The following ANO5 variants were observed in gnomAD, a reference collection of about 807,000 sequenced individuals.
The protein encoded by ANO5 is anoctamin-5.
Under a neutral mutation model 121.0 loss-of-function variants are expected in ANO5, and 109 were observed. The ratio of observed to expected loss-of-function variants is 0.90; its 90% CI spans 0.77 to 1.06. The LOEUF (loss-of-function observed/expected upper bound fraction) is 1.06. Ranked by LOEUF, ANO5 falls within the 50% of genes least tolerant of loss-of-function variation. ANO5 has a pLI of 0.00. For missense variants in ANO5, 1,064 were observed against 1,078.5 expected, an observed-to-expected ratio of 0.99 and a Z score of 0.19; for synonymous variants, 406 against 359.9, an observed-to-expected ratio of 1.13 and a Z score of -1.45.
chr11:22,255,355 A>T lies in ANO5; in HGVS notation c.1181-16A>T. 1 of 1,557,216 alleles carries T rather than the reference A, an allele frequency of 6.4e-7. No homozygotes were observed. The highest frequency in any genetic ancestry group is 1.4e-5 in the African/African-American group (1 of 72,838). On this transcript the variant is annotated splice_polypyrimidine_tract_variant and intron_variant, in intron 12 of 21. Coordinates refer to ENST00000324559, the MANE Select transcript of ANO5 (RefSeq NM_213599.3). ...CTTTTTTAATATCTTTTTTTTATAT[A>T]TTTATTTACCTATAGTCACCTTATT...
intron 2 of ANO5, among the ~76,000 whole-genome samples, chr11:22,207,962 A>G (rs1486462456): frequency 2.0e-5 from 3 of 152,074 alleles, no homozygotes; most frequent in African/African-American, 7.2e-5. Context: ...GAAATGCAAA[A>G]TAAGATCAAA....
chr11:22,265,981 G>T (rs1854347426), intron 17 of ANO5, among the ~76,000 whole-genome samples: 1 of 152,084 alleles, frequency 6.6e-6, no homozygotes, highest in South Asian at 2.1e-4. Context: ...TTTAAGACAG[G>T]TGCAAAAACA....
At chr11:22,226,892 C>T (rs1210565611) in intron 6 of ANO5, among the ~76,000 whole-genome samples, 1 of 152,074 alleles carries the variant, frequency 6.6e-6, no homozygotes, top group African/African-American at 2.4e-5. Context: ...GTACGTTTTA[C>T]AGTTTATATG....
At chr11:22,271,431 A>G (rs901692911) in intron 18 of ANO5, among the ~76,000 whole-genome samples, 1 of 152,236 alleles carries the variant, frequency 6.6e-6, no homozygotes, top group Non-Finnish European at 1.5e-5. Context: ...ATACTTCTCC[A>G]GTGTAATACA....
chr11:22,273,008 G>A lies in ANO5; in HGVS notation c.2235+19G>A, dbSNP rs748552936. On this transcript the variant is annotated intron_variant, in intron 19 of 21. Transcript: ENST00000324559. ...AACTAATGTAAGTGGACCTATTTCG[G>A]TGGGGTGACTTTGTATTTCATTTTG... The A allele has an allele frequency of 1.9e-6, 3 of 1,607,878 alleles. No homozygotes were observed. In the Admixed American group the frequency reaches 5.0e-5, roughly 27 times the overall value.
At chr11:22,250,174 A>C in intron 9 of ANO5, 63 bp from the exon 10 acceptor site, 1 of 1,460,426 alleles carries the variant, frequency 6.8e-7, no homozygotes. Context: ...CTGAATACAA[A>C]ATCAAGGCTC....
rs189793603 is a variant in ANO5, at chr11:22,229,212, T to C, written c.648+1626T>C. 8.2e-3 allele frequency among the ~76,000 whole-genome samples: 1,243 copies of C among 152,124 alleles called. 6 individuals are homozygous for C. Among genetic ancestry groups the C allele is most frequent in the Non-Finnish European group, 0.013 (900 of 67,940 alleles). The stretch of plus-strand genomic sequence containing the variant: ...GTTATCTTTTGATTTTGTTTATTAA[T>C]TTAATCATCAGGGTTCTAACAATCA... On this transcript the variant is annotated intron_variant, in intron 7 of 21. Transcript: ENST00000324559.
intron 12 of ANO5, among the ~76,000 whole-genome samples, chr11:22,254,184 T>C (rs1358678385): frequency 3.3e-5 from 5 of 152,244 alleles, no homozygotes; most frequent in African/African-American, 9.6e-5. Flanking sequence ...TGGAAAAATA[T>C]ATTTTGGAAG....
rs1852154606 is a variant in ANO5 at position 22,207,498 on chromosome 11, T to C, written c.87+3648T>C. 1.3e-5 allele frequency among the ~76,000 whole-genome samples: 2 copies of C among 152,230 alleles called. 1 individual carries two copies. The highest frequency in any genetic ancestry group is 4.8e-5 in the African/African-American group (2 of 41,562). ...AGGCAAACTTATGAACTTAACCTAA[T>C]TTTATAACTTATACAAAATTAATTC... On this transcript the variant is annotated intron_variant, in intron 2 of 21. Transcript: ENST00000324559.
intron 9 of ANO5, among the ~76,000 whole-genome samples, chr11:22,248,345 TAA>T (rs1853690120): frequency 2.0e-5 from 3 of 152,022 alleles, no homozygotes; most frequent in African/African-American, 7.2e-5. Flanking sequence ...TTCTAAAAAA[TAA>T]TACTCAAAAG....
At chr11:22,219,774 C>A (rs898387716) in intron 4 of ANO5, among the ~76,000 whole-genome samples, 3 of 151,432 alleles carry the variant, frequency 2.0e-5, no homozygotes, top group Non-Finnish European at 2.9e-5. Flanking sequence ...TTCTCAGGTT[C>A]TTTTACTTTC....
intron 9 of ANO5, among the ~76,000 whole-genome samples, chr11:22,245,060 A>G (rs1853573911): frequency 6.6e-6 from 1 of 152,190 alleles, no homozygotes; most frequent in South Asian, 2.1e-4. Context: ...GCTTTCAGAG[A>G]GCCAAGGCTC....
At chr11:22,221,356 A>G (rs1247861985) in intron 5 of ANO5, 146 bp downstream of exon 5, 5 of 705,936 alleles carry the variant, frequency 7.1e-6, no homozygotes, top group Non-Finnish European at 1.2e-5. Flanking sequence ...ACTGTAAAGT[A>G]GGCAGCCTAA....
chr11:22,235,091 G>A (rs1853170923), intron 7 of ANO5, among the ~76,000 whole-genome samples: 2 of 151,978 alleles, frequency 1.3e-5, no homozygotes, highest in South Asian at 4.1e-4. Context: ...TTCTATTGCA[G>A]TAGTCCCTCT....
chr11:22,218,146 A>ACAC, intron 3 of ANO5, 100 bp from the exon 4 acceptor site: 1 of 650,714 alleles, frequency 1.5e-6, no homozygotes, highest in Non-Finnish European at 2.5e-6. Flanking sequence ...CACACTTATA[A>ACAC]AATGATCATA....
At chr11:22,272,340 A>G (rs7107299) in intron 18 of ANO5, among the ~76,000 whole-genome samples, 1,517 of 149,316 alleles carry the variant, frequency 0.01, 21 homozygotes, top group African/African-American at 0.036. Context: ...ACACACACAC[A>G]CACACAGCTG....
In ANO5 at chr11:22,246,945, T is replaced by A. The variant is rs560530781; in HGVS notation, c.879-3292T>A. On this transcript the variant is annotated intron_variant, in intron 9 of 21. Coordinates refer to ENST00000324559, the MANE Select transcript of ANO5 (RefSeq NM_213599.3). ...ATTGACACATTTCTTTTAATGAGACTTTATTAAGCATCACTACATATCAAG... is the reference window on the plus strand; with the variant it reads ...ATTGACACATTTCTTTTAATGAGACATTATTAAGCATCACTACATATCAAG... 5.9e-5 allele frequency among the ~76,000 whole-genome samples: 9 copies of A among 151,816 alleles called. No individual in the cohort carries two copies. The East Asian group carries it at 1.6e-3, about 26-fold the overall frequency.
chr11:22,249,855 G>T (rs1853742131), intron 9 of ANO5, among the ~76,000 whole-genome samples: 1 of 152,054 alleles, frequency 6.6e-6, no homozygotes, highest in Non-Finnish European at 1.5e-5. Flanking sequence ...GATTTGTTAA[G>T]TTCATTCCTA....
At chr11:22,218,547 C>A (rs1852538565) in intron 4 of ANO5, among the ~76,000 whole-genome samples, 1 of 151,944 alleles carries the variant, frequency 6.6e-6, no homozygotes, top group Non-Finnish European at 1.5e-5. Context: ...GAACTCTCAT[C>A]AGGAATGCAG....
Sources: gnomAD v4.1 joint callset for allele counts (sites outside exome capture counted in the v4.1 genomes callset) on GRCh38, gnomAD v4.1.1 for gene constraint, MANE v1.5 for transcripts, NCBI Gene and HGNC (gene_info 2026-07-23, HGNC 2026-07-21) for gene names.